Variants in SLC6A15 observed in about 807,000 individuals in gnomAD.
SLC6A15 encodes sodium-dependent neutral amino acid transporter B(0)AT2.
Under a neutral mutation model 68.5 loss-of-function variants are expected in SLC6A15, and 33 were observed. That is an observed-to-expected ratio of 0.48 (90% CI 0.37 to 0.64). The LOEUF (loss-of-function observed/expected upper bound fraction) is 0.64, where lower values mean the gene tolerates loss of function less well. SLC6A15 is among the 30% of genes least tolerant of loss of function. SLC6A15 has a pLI of 0.00. For missense variants in SLC6A15, 747 were observed against 874.3 expected, an observed-to-expected ratio of 0.85 and a Z score of 1.84; for synonymous variants, 347 against 301.0, an observed-to-expected ratio of 1.15 and a Z score of -1.58.
chr12:84,908,788 C>A (rs1404621636), intron 1 of SLC6A15, among the ~76,000 whole-genome samples: 1 of 151,804 alleles, frequency 6.6e-6, no homozygotes, highest in East Asian at 1.9e-4. Context: ...GTTTTCTCCC[C>A]ACCAGCCCCC....
Position 84,861,418 on chromosome 12 carries a change from C to T in SLC6A15, c.*214G>A, listed in dbSNP as rs1870842994. The T allele has an allele frequency of 2.2e-6, 1 of 463,544 alleles. No individual in the cohort carries two copies. The highest frequency in any genetic ancestry group is 2.0e-5 in the African/African-American group (1 of 50,628). The allele number at this position is 463,544 out of a possible 1,614,324, so 28.7% of individuals were successfully genotyped here. On this transcript the variant is annotated 3_prime_UTR_variant, in exon 12 of 12. Coordinates refer to ENST00000266682, the MANE Select transcript of SLC6A15 (RefSeq NM_182767.6). ...CTGGCAAACATGTACCTCAGCCCTC[C>T]TAAGATTTGTCTGCAATCCTTTCTG...
chr12:84,883,254 C>T, intron 5 of SLC6A15: 2 of 985,240 alleles, frequency 2.0e-6, no homozygotes, highest in Non-Finnish European at 2.4e-6. Flanking sequence ...CTAGAATTCA[C>T]TTAATGTCTT....
intron 6 of SLC6A15, among the ~76,000 whole-genome samples, chr12:84,876,078 T>A (rs1025009944): frequency 2.6e-5 from 4 of 151,794 alleles, no homozygotes; most frequent in Non-Finnish European, 5.9e-5. Context: ...ACTAAGCAAA[T>A]TAATATGTTC....
At chr12:84,869,595 T>C (rs1871205822) in intron 9 of SLC6A15, among the ~76,000 whole-genome samples, 1 of 152,108 alleles carries the variant, frequency 6.6e-6, no homozygotes, top group African/African-American at 2.4e-5. Flanking sequence ...TACTCTAGTA[T>C]GGTTGGCTTT....
chr12:84,911,644 T>C (rs1873469886), intron 1 of SLC6A15, among the ~76,000 whole-genome samples: 1 of 152,076 alleles, frequency 6.6e-6, no homozygotes, highest in Non-Finnish European at 1.5e-5. Context: ...GCCTCGGGCG[T>C]CTTGATTCAT....
At chr12:84,863,121 A>C (rs1592589920) in intron 11 of SLC6A15, among the ~76,000 whole-genome samples, 1 of 152,130 alleles carries the variant, frequency 6.6e-6, no homozygotes, top group African/African-American at 2.4e-5. Flanking sequence ...TCATATATTA[A>C]AATATTTCTA....
chr12:84,911,178 G>A (rs1045942675), intron 1 of SLC6A15, among the ~76,000 whole-genome samples: 12 of 152,172 alleles, frequency 7.9e-5, no homozygotes, highest in African/African-American at 2.7e-4. Flanking sequence ...ACACTTTGTT[G>A]CTGGCACAGC....
chr12:84,879,311 A>G lies in SLC6A15; in HGVS notation c.757-2704T>C, dbSNP rs1049587651. On this transcript the variant is annotated intron_variant, in intron 5 of 11. Coordinates refer to ENST00000266682, the MANE Select transcript of SLC6A15 (RefSeq NM_182767.6). ...AAATCCAGTTTAATTGCAATTGCTG[A>G]CTCTACACTATCACACACTTTCTTT... Among the ~76,000 whole-genome samples the G allele has an allele frequency of 1.5e-4, 22 of 145,228 alleles. 1 individual carries two copies. The highest frequency in any genetic ancestry group is 4.8e-4 in the African/African-American group (18 of 37,480).
At chr12:84,897,992 G>T (rs1371094783) in intron 1 of SLC6A15, among the ~76,000 whole-genome samples, 1 of 152,132 alleles carries the variant, frequency 6.6e-6, no homozygotes, top group Non-Finnish European at 1.5e-5. Context: ...AGGAGAAAAA[G>T]AAATAAAAGT....
chr12:84,908,514 T>C (rs573023751), intron 1 of SLC6A15, among the ~76,000 whole-genome samples: 20 of 151,380 alleles, frequency 1.3e-4, no homozygotes, highest in African/African-American at 4.1e-4. Flanking sequence ...TTTATTTGCC[T>C]CTGTCTTTAC....
At chr12:84,910,936 T>G (rs1873412183) in intron 1 of SLC6A15, among the ~76,000 whole-genome samples, 1 of 150,542 alleles carries the variant, frequency 6.6e-6, no homozygotes, top group African/African-American at 2.5e-5. Context: ...TCCGTGTGTG[T>G]GTGTGTGTGT....
intron 1 of SLC6A15, among the ~76,000 whole-genome samples, chr12:84,893,513 G>A (rs140063316): frequency 9.2e-5 from 14 of 152,066 alleles, no homozygotes; most frequent in East Asian, 5.8e-4. Flanking sequence ...ACAGTCCAGC[G>A]ACACTATGTT....
At chr12:84,889,659 G>A (rs1051443480) in intron 2 of SLC6A15, among the ~76,000 whole-genome samples, 3 of 152,128 alleles carry the variant, frequency 2.0e-5, no homozygotes, top group Non-Finnish European at 4.4e-5. Context: ...CTATTTGCCA[G>A]CCATATTTCT....
chr12:84,891,753 A>G (rs1005307999), intron 2 of SLC6A15, 79 bp downstream of exon 2: 39 of 1,362,022 alleles, frequency 2.9e-5, no homozygotes, highest in Non-Finnish European at 3.8e-5. Flanking sequence ...AAATAATGAG[A>G]AACAGCAATA....
rs1348725595 is a variant in SLC6A15 at position 84,860,467 on chromosome 12, AC to A, written c.*1164del. 6 of 152,246 alleles carry A rather than the reference AC, an allele frequency of 3.9e-5. No individual in the cohort carries two copies. The East Asian group carries it at 9.6e-4, about 24-fold the overall frequency. The allele number at this position is 152,246 out of a possible 1,614,324, so 9.4% of individuals were successfully genotyped here. A position where few individuals can be genotyped will look rare whatever the true frequency, so the allele number is the denominator to read the frequency against. The stretch of plus-strand genomic sequence containing the variant: ...AAGAATCATAAGACTACATAAGAAC[AC>A]CATTGAACCATAATACTCTATTTTT... On this transcript the variant is annotated 3_prime_UTR_variant, in exon 12 of 12. Transcript: ENST00000266682.
intron 5 of SLC6A15, chr12:84,881,183 T>A (rs1284805075): frequency 1.3e-5 from 2 of 154,514 alleles, no homozygotes; most frequent in African/African-American, 4.8e-5. Flanking sequence ...GAGACAGTCA[T>A]CCCCTTAATA....
chr12:84,872,813 T>A lies in SLC6A15; in HGVS notation c.1110-19A>T. 1.3e-6 allele frequency: 2 copies of A among 1,579,540 alleles called. No individual in the cohort carries two copies. Among genetic ancestry groups the A allele is most frequent in the East Asian group, 2.2e-5 (1 of 44,614 alleles). On this transcript the variant is annotated intron_variant, in intron 7 of 11. Transcript: ENST00000266682. ...TGAATTTCTGAAAAATAAAACAACATACAAATGAGCACATAAGAGTTCTTT... is the reference window on the plus strand; with the variant it reads ...TGAATTTCTGAAAAATAAAACAACAAACAAATGAGCACATAAGAGTTCTTT...
chr12:84,872,540 C>CT (rs1458368198), intron 8 of SLC6A15, 62 bp downstream of exon 8: 1 of 1,414,372 alleles, frequency 7.1e-7, no homozygotes, highest in African/African-American at 1.4e-5. Flanking sequence ...AGGGAGTCTG[C>CT]TGGATAATGC....
At chr12:84,869,680 T>G (rs1205619428) in intron 9 of SLC6A15, among the ~76,000 whole-genome samples, 2 of 152,126 alleles carry the variant, frequency 1.3e-5, no homozygotes, top group Non-Finnish European at 2.9e-5. Context: ...CCTTCCTCTT[T>G]CCAATTCAAC....
Sources: gnomAD v4.1 joint callset for allele counts (sites outside exome capture counted in the v4.1 genomes callset) on GRCh38, gnomAD v4.1.1 for gene constraint, MANE v1.5 for transcripts, NCBI Gene and HGNC (gene_info 2026-07-23, HGNC 2026-07-21) for gene names.